Variants in CBL observed in about 807,000 individuals in gnomAD.
The protein encoded by CBL is Cbl proto-oncogene.
In CBL, 45 loss-of-function variants were observed where a neutral mutation model predicts 96.9. The ratio of observed to expected loss-of-function variants is 0.46; its 90% CI spans 0.37 to 0.60. The LOEUF is 0.60. Among genes scored for constraint, CBL ranks in the 20% least tolerant of loss-of-function variants. The probability of loss-of-function intolerance (pLI) is 0.00; values close to 1 mark genes in which losing one functional copy is unlikely to be tolerated. For missense variants in CBL, 1,024 were observed against 1,143.5 expected (o/e 0.90, Z 1.51); for synonymous variants, 420 against 426.8 (o/e 0.98, Z 0.20).
intron 2 of CBL, among the ~76,000 whole-genome samples, chr11:119,243,884 A>G (rs145630844): frequency 9.6e-4 from 146 of 152,004 alleles, no homozygotes; most frequent in African/African-American, 2.6e-3. Context: ...GTGTACCACC[A>G]TGCCTGGCTC....
chr11:119,232,674 A>G lies in CBL; in HGVS notation c.422A>G (p.Tyr141Cys), dbSNP rs1295617809. The G allele has an allele frequency of 1.9e-6, 3 of 1,613,622 alleles. No homozygotes were observed. The highest frequency in any genetic ancestry group is 2.7e-5 in the African/African-American group (2 of 74,940). ...TTCAAGGAGGGAAAAGAAAGAATGT[A>G]TGAGGAGAATTCTCAGCCTAGGTAA... ...SLFKEGKERMYEENSQPRRNL... is the reference protein window; with the variant it reads ...SLFKEGKERMCEENSQPRRNL... The change falls in exon 2 of 16, where the codon TAT becomes TGT. Residue 141 changes from tyrosine to cysteine, a missense_variant. Physicochemically the swap from Tyr to Cys is radical, Grantham distance 194. This residue lies in a region of CBL where 192 missense variants were observed against 321.8 expected (regional missense o/e 0.60). Transcript: ENST00000264033.
intron 1 of CBL, among the ~76,000 whole-genome samples, chr11:119,232,176 T>A (rs1159911874): frequency 6.6e-6 from 1 of 152,204 alleles, no homozygotes; most frequent in Non-Finnish European, 1.5e-5. Context: ...TTTTAGGGAT[T>A]TATGTGGATG....
At chr11:119,275,223 G>A (rs1949879510) in intron 5 of CBL, among the ~76,000 whole-genome samples, 1 of 150,824 alleles carries the variant, frequency 6.6e-6, no homozygotes, top group Non-Finnish European at 1.5e-5. Context: ...GGCAGATCAC[G>A]AGGTCAGGAG....
At chr11:119,277,616 T>G in intron 6 of CBL, 141 bp from the exon 7 acceptor site, 1 of 659,612 alleles carries the variant, frequency 1.5e-6, no homozygotes, top group South Asian at 1.7e-5. Context: ...GGAAGTATTT[T>G]TTTTTTGAAG....
intron 2 of CBL, among the ~76,000 whole-genome samples, chr11:119,248,007 G>C (rs576822740): frequency 6.6e-6 from 1 of 152,306 alleles, no homozygotes; most frequent in East Asian, 1.9e-4. Context: ...GAGACATTCT[G>C]TGTTCATGGA....
intron 1 of CBL, among the ~76,000 whole-genome samples, chr11:119,208,385 C>G (rs1220911404): frequency 6.6e-6 from 1 of 151,094 alleles, no homozygotes; most frequent in Non-Finnish European, 1.5e-5. Context: ...TTTCTGTATT[C>G]TGTATTCTTT....
chr11:119,217,945 T>G (rs1856004344), intron 1 of CBL, among the ~76,000 whole-genome samples: 1 of 151,974 alleles, frequency 6.6e-6, no homozygotes, highest in Admixed American at 6.6e-5. Flanking sequence ...GCCGTGGTGG[T>G]GAGTTCCTTT....
intron 1 of CBL, among the ~76,000 whole-genome samples, chr11:119,212,709 TA>T (rs1949328489): frequency 6.6e-6 from 1 of 151,652 alleles, no homozygotes; most frequent in African/African-American, 2.4e-5. Context: ...GTAGTATTTT[TA>T]AAAATAGAGA....
chr11:119,267,366 A>G (rs1445479754), intron 2 of CBL, among the ~76,000 whole-genome samples: 1 of 152,206 alleles, frequency 6.6e-6, no homozygotes, highest in African/African-American at 2.4e-5. Context: ...TTCACAAAAT[A>G]AAAATGCTTT....
intron 1 of CBL, among the ~76,000 whole-genome samples, chr11:119,223,083 G>A (rs377521662): frequency 6.6e-6 from 1 of 151,184 alleles, no homozygotes; most frequent in Non-Finnish European, 1.5e-5. Flanking sequence ...GGGAGGTCTA[G>A]TTGGGAATGT....
chr11:119,227,071 G>A (rs1014942275), intron 1 of CBL, among the ~76,000 whole-genome samples: 1 of 152,160 alleles, frequency 6.6e-6, no homozygotes, highest in Non-Finnish European at 1.5e-5. Context: ...CTTTATGATG[G>A]TGCAAAAGTG....
intron 2 of CBL, among the ~76,000 whole-genome samples, chr11:119,235,000 G>C (rs1042349387): frequency 1.3e-5 from 2 of 152,170 alleles, no homozygotes; most frequent in Non-Finnish European, 2.9e-5. Flanking sequence ...AGATACGCTG[G>C]AAAGACGGGT....
intron 12 of CBL, among the ~76,000 whole-genome samples, chr11:119,289,836 G>A (rs1468023107): frequency 6.6e-6 from 1 of 151,768 alleles, no homozygotes; most frequent in Non-Finnish European, 1.5e-5. Flanking sequence ...TCAACATACT[G>A]GGCTCAAGAG....
intron 1 of CBL, 122 bp downstream of exon 1, chr11:119,206,734 G>A (rs1949272590): frequency 1.8e-6 from 2 of 1,133,844 alleles, no homozygotes; most frequent in South Asian, 3.1e-5. Flanking sequence ...GGGGAGGCGC[G>A]GAGCCGGGGT....
intron 6 of CBL, 56 bp downstream of exon 6, chr11:119,276,190 C>T (rs1322508544): frequency 1.0e-5 from 16 of 1,539,768 alleles, no homozygotes; most frequent in Non-Finnish European, 1.3e-5. Flanking sequence ...GGCTGTCCAA[C>T]CTCATCATTA....
chr11:119,246,304 A>G (rs967811954), intron 2 of CBL, among the ~76,000 whole-genome samples: 5 of 151,790 alleles, frequency 3.3e-5, no homozygotes, highest in Non-Finnish European at 7.4e-5. Flanking sequence ...AGTTTAAGAG[A>G]ATACAGCTGG....
At position 119,306,550 on chromosome 11, in the gene CBL, G is replaced by C. The variant is rs930336394; in HGVS notation, c.*6769G>C. 13 of 394,910 alleles carry C rather than the reference G, an allele frequency of 3.3e-5. No individual in the cohort carries two copies. The highest frequency in any genetic ancestry group is 4.5e-5 in the Non-Finnish European group (10 of 224,080). The allele number at this position is 394,910 out of a possible 1,614,324, so 24.5% of individuals were successfully genotyped here. The stretch of plus-strand genomic sequence containing the variant: ...CTGAAGCAGGGTGTCCTGGGTGCCT[G>C]TGTGTCAGCTCCCTCCTCTCTACCT... On this transcript the variant is annotated 3_prime_UTR_variant, in exon 16 of 16. Transcript: ENST00000264033.
At chr11:119,294,750 C>G (rs991149938) in intron 12 of CBL, among the ~76,000 whole-genome samples, 1 of 151,186 alleles carries the variant, frequency 6.6e-6, no homozygotes, top group Non-Finnish European at 1.5e-5. Flanking sequence ...TAGATCACGC[C>G]GCTGCACTCC....
intron 1 of CBL, among the ~76,000 whole-genome samples, chr11:119,231,428 G>A (rs1388969314): frequency 6.7e-6 from 1 of 148,656 alleles, no homozygotes; most frequent in Non-Finnish European, 1.5e-5. Flanking sequence ...AACAAACAAA[G>A]GGCCTGTAAT....
Sources: allele counts gnomAD v4.1 joint callset (sites outside exome capture counted in the v4.1 genomes callset), GRCh38; gene constraint gnomAD v4.1.1; regional missense constraint gnomAD v4.1.1; transcripts MANE v1.5; gene names NCBI Gene and HGNC (gene_info 2026-07-23, HGNC 2026-07-21).